The following WWOX variants were observed in gnomAD, a reference collection of about 807,000 sequenced individuals.
WWOX encodes the protein WW domain containing oxidoreductase.
WWOX carries 69 observed loss-of-function variants against 46.2 expected under a neutral mutation model. The observed-to-expected ratio is 1.49, with a 90% CI of 1.23 to 1.82. The LOEUF is 1.82. WWOX is among the 40% of genes most tolerant of loss of function. The probability of loss-of-function intolerance (pLI) is 0.00; values close to 1 mark genes in which losing one functional copy is unlikely to be tolerated. For missense variants in WWOX, 919 were observed against 542.6 expected, an observed-to-expected ratio of 1.69 and a Z score of -6.89; for synonymous variants, 359 against 202.6, an observed-to-expected ratio of 1.77 and a Z score of -6.56.
At chr16:78,572,911 G>A (rs1222992346) in intron 8 of WWOX, among the ~76,000 whole-genome samples, 3 of 152,098 alleles carry the variant, frequency 2.0e-5, no homozygotes, top group Non-Finnish European at 2.9e-5. Flanking sequence ...TTATTAAAGT[G>A]TACACACATT....
intron 8 of WWOX, among the ~76,000 whole-genome samples, chr16:78,697,632 C>A (rs1597459033): frequency 6.6e-6 from 1 of 152,128 alleles, no homozygotes; most frequent in Admixed American, 6.6e-5. Flanking sequence ...ACACAAATGA[C>A]CACCATACGT....
chr16:78,100,113 T>G, intron 1 of WWOX: 1 of 1,371,854 alleles, frequency 7.3e-7, no homozygotes, highest in Non-Finnish European at 9.4e-7. Context: ...GCGCGCCCTC[T>G]GCTGTTCAGG....
intron 8 of WWOX, among the ~76,000 whole-genome samples, chr16:78,820,284 T>C (rs1208055357): frequency 6.6e-6 from 1 of 152,182 alleles, no homozygotes; most frequent in Non-Finnish European, 1.5e-5. Context: ...GAATGTCCTT[T>C]CCATGTGTGA....
chr16:78,813,163 C>G (rs1169620486), intron 8 of WWOX, among the ~76,000 whole-genome samples: 1 of 151,198 alleles, frequency 6.6e-6, no homozygotes, highest in Non-Finnish European at 1.5e-5. Context: ...AATTCAGCAT[C>G]TCAAATGTAC....
In WWOX at chr16:78,785,186, T is replaced by G. The variant is rs545447054; in HGVS notation, c.1056+352434T>G. On this transcript the variant is annotated intron_variant, in intron 8 of 8. Transcript: ENST00000566780. ...CTGGCTGTCTAAGAATTAAGCAAAG[T>G]AAGATGAAGTGTCTTTTGCTAGCAG... Among the ~76,000 whole-genome samples the G allele has an allele frequency of 1.3e-5, 2 of 152,264 alleles. 1 individual carries two copies. Among genetic ancestry groups the G allele is most frequent in the East Asian group, 3.9e-4 (2 of 5,186 alleles).
intron 5 of WWOX, among the ~76,000 whole-genome samples, chr16:78,305,599 C>A (rs569514127): frequency 2.6e-5 from 4 of 151,828 alleles, no homozygotes; most frequent in Admixed American, 2.6e-4. Flanking sequence ...TGAGCAAGAC[C>A]GTGTCATCCA....
intron 8 of WWOX, among the ~76,000 whole-genome samples, chr16:79,024,226 A>G (rs2047591863): frequency 6.6e-6 from 1 of 152,138 alleles, no homozygotes; most frequent in African/African-American, 2.4e-5. Flanking sequence ...ACTGAACTGT[A>G]CACTTTAAGT....
At chr16:78,776,218 G>T (rs2050185804) in intron 8 of WWOX, among the ~76,000 whole-genome samples, 1 of 152,132 alleles carries the variant, frequency 6.6e-6, no homozygotes, top group Admixed American at 6.6e-5. Context: ...CAACTTTTGT[G>T]TCTAAGGATT....
intron 5 of WWOX, among the ~76,000 whole-genome samples, chr16:78,386,574 C>G (rs187727189): frequency 1.3e-5 from 2 of 152,058 alleles, no homozygotes; most frequent in African/African-American, 4.8e-5. Context: ...AACGTTAGCC[C>G]GAAGCGCCTT....
intron 8 of WWOX, among the ~76,000 whole-genome samples, chr16:78,719,340 C>T (rs141866004): frequency 1.1e-4 from 17 of 152,318 alleles, no homozygotes; most frequent in African/African-American, 2.6e-4. Context: ...TCATTCCTCC[C>T]GTGAGACCAC....
At chr16:78,142,518 T>A (rs2034023143) in intron 4 of WWOX, among the ~76,000 whole-genome samples, 1 of 152,252 alleles carries the variant, frequency 6.6e-6, no homozygotes, top group Non-Finnish European at 1.5e-5. Flanking sequence ...GGTATCTTAG[T>A]GGTCATTCAC....
intron 5 of WWOX, among the ~76,000 whole-genome samples, chr16:78,275,773 C>T (rs2079565120): frequency 6.6e-6 from 1 of 152,168 alleles, no homozygotes. Context: ...TAAGGCAACA[C>T]TTTCAGTCTC....
At chr16:78,207,899 A>T (rs988898529) in intron 5 of WWOX, among the ~76,000 whole-genome samples, 3 of 151,892 alleles carry the variant, frequency 2.0e-5, no homozygotes, top group Admixed American at 2.0e-4. Context: ...TGCAGCATCA[A>T]CCTCCTGGGC....
intron 8 of WWOX, among the ~76,000 whole-genome samples, chr16:78,747,569 G>C (rs567508955): frequency 3.3e-4 from 50 of 152,294 alleles, no homozygotes; most frequent in African/African-American, 1.1e-3. Context: ...GGCTAAGAGA[G>C]CCTTGGCAAG....
At chr16:78,811,768 C>G (rs2051196089) in intron 8 of WWOX, among the ~76,000 whole-genome samples, 2 of 152,122 alleles carry the variant, frequency 1.3e-5, no homozygotes, top group African/African-American at 4.8e-5. Context: ...GTCCCACACC[C>G]AGATACCATC....
At chr16:79,160,210 A>G (rs904309372) in intron 8 of WWOX, among the ~76,000 whole-genome samples, 1 of 152,238 alleles carries the variant, frequency 6.6e-6, no homozygotes, top group Non-Finnish European at 1.5e-5. Context: ...GTCAGTTGTG[A>G]GAGCTCCTAT....
intron 5 of WWOX, among the ~76,000 whole-genome samples, chr16:78,329,650 T>C (rs1189400634): frequency 1.3e-5 from 2 of 152,154 alleles, no homozygotes; most frequent in Non-Finnish European, 2.9e-5. Context: ...GAAGAAACCG[T>C]TGTGGGGAAG....
intron 8 of WWOX, among the ~76,000 whole-genome samples, chr16:78,665,940 C>T (rs930201444): frequency 2.0e-5 from 3 of 151,932 alleles, no homozygotes; most frequent in Non-Finnish European, 4.4e-5. Flanking sequence ...CCACCTTGGC[C>T]TCCCAAAGCT....
At chr16:78,941,774 G>T (rs13333056) in intron 8 of WWOX, among the ~76,000 whole-genome samples, 16,279 of 152,100 alleles carry the variant, frequency 0.11, 948 homozygotes, top group South Asian at 0.13. Flanking sequence ...TTTAAAAAAG[G>T]TATCATAATC....
Sources: gnomAD v4.1 joint callset for allele counts (sites outside exome capture counted in the v4.1 genomes callset) on GRCh38, gnomAD v4.1.1 for gene constraint, MANE v1.5 for transcripts, NCBI Gene and HGNC (gene_info 2026-07-23, HGNC 2026-07-21) for gene names.